The following STEAP4 variants were observed in gnomAD, a reference collection of about 807,000 sequenced individuals.
STEAP4 encodes the protein metalloreductase STEAP4.
A neutral mutation model predicts 43.6 loss-of-function variants in STEAP4; 36 were observed. The ratio of observed to expected loss-of-function variants is 0.83; its 90% CI spans 0.63 to 1.09. The LOEUF (loss-of-function observed/expected upper bound fraction) is 1.09, where lower values mean the gene tolerates loss of function less well. Ranked by LOEUF, STEAP4 falls within the 50% of genes least tolerant of loss-of-function variation. STEAP4 has a pLI of 0.00. For missense variants in STEAP4, 495 were observed against 546.5 expected, an observed-to-expected ratio of 0.91 and a Z score of 0.94; for synonymous variants, 191 against 196.7, an observed-to-expected ratio of 0.97 and a Z score of 0.24.
intron 1 of STEAP4, among the ~76,000 whole-genome samples, chr7:88,295,990 T>A (rs567663816): frequency 2.0e-5 from 3 of 152,088 alleles, no homozygotes; most frequent in Non-Finnish European, 4.4e-5. Flanking sequence ...TGAGTATGTT[T>A]TGAGTGTGCA....
chr7:88,296,189 G>C (rs1434753070), intron 1 of STEAP4, among the ~76,000 whole-genome samples: 1 of 152,106 alleles, frequency 6.6e-6, no homozygotes, highest in Non-Finnish European at 1.5e-5. Context: ...ACATAGTACA[G>C]CATAATGTGA....
chr7:88,297,174 G>A (rs1433575982), intron 1 of STEAP4, among the ~76,000 whole-genome samples: 3 of 152,126 alleles, frequency 2.0e-5, no homozygotes, highest in Non-Finnish European at 4.4e-5. Context: ...TCTATAGGTT[G>A]AGGGTAAAGA....
intron 1 of STEAP4, among the ~76,000 whole-genome samples, chr7:88,303,056 T>A (rs1250566947): frequency 6.7e-6 from 1 of 149,294 alleles, no homozygotes; most frequent in Non-Finnish European, 1.5e-5. Context: ...TTATTTTCTT[T>A]TAGCCTTCTT....
rs1240959385 is a variant in STEAP4 at position 88,275,303 on chromosome 7, G to C, written c.*4095C>G. 1 of 152,086 alleles carries C rather than the reference G, an allele frequency of 6.6e-6. No homozygotes were observed. 9.4% of individuals were successfully genotyped at this position (152,086 alleles called of 1,614,324 possible). On this transcript the variant is annotated 3_prime_UTR_variant, in exon 5 of 5. Transcript: ENST00000380079. ...GATGGGGTTTCACCATGTTGGCCAG[G>C]CTGGTCTCAAACTCCTGACCTCAGG...
At position 88,279,630 on chromosome 7, in the gene STEAP4, T is replaced by G; in HGVS notation, c.1150-2A>C. On this transcript the variant is annotated splice_acceptor_variant, in intron 4 of 4. Coordinates refer to ENST00000380079, the MANE Select transcript of STEAP4 (RefSeq NM_024636.4). LOFTEE classifies it high-confidence loss of function. ...CAGGGTCAAATAACCCAGTTTGGAC[T>G]ATAAACAAGAAACAAAAATATGTAA... The G allele has an allele frequency of 6.2e-7, 1 of 1,605,308 alleles. No individual in the cohort carries two copies. Among genetic ancestry groups the G allele is most frequent in the Non-Finnish European group, 8.5e-7 (1 of 1,175,016 alleles).
chr7:88,300,679 T>C (rs893477189), intron 1 of STEAP4, among the ~76,000 whole-genome samples: 2 of 152,188 alleles, frequency 1.3e-5, no homozygotes, highest in African/African-American at 4.8e-5. Context: ...AGGACTTTTT[T>C]TTTCCTTAGA....
rs772041491 is a variant in STEAP4 at position 88,282,757 on chromosome 7, G to A, written c.868C>T (p.Arg290Ter). 8.7e-6 allele frequency: 14 copies of A among 1,613,954 alleles called. No individual in the cohort carries two copies. The highest frequency in any genetic ancestry group is 6.6e-5 in the South Asian group (6 of 91,078). The change falls in exon 3 of 5, where the codon CGA becomes TGA. Residue 290 changes from arginine to a stop codon, truncating the protein, a stop_gained. Coordinates refer to ENST00000380079, the MANE Select transcript of STEAP4 (RefSeq NM_024636.4). LOFTEE classifies it high-confidence loss of function. ...AGAGCTACCAAGCCAAGCTGCTTTC[G>A]GCAAAGCATCCAGTGGTCAAGCCAG... ...PDWLDHWMLC[R>*]KQLGLVALGF...
At position 88,276,297 on chromosome 7, in the gene STEAP4, C is replaced by T. The variant is rs2115933217; in HGVS notation, c.*3101G>A. Reference sequence around the variant, plus strand: ...ATGCACTTTCAAACCCATGCACTGCCTTCTCTTTTGCTTATCCCTGAAGGG... The same window carrying T: ...ATGCACTTTCAAACCCATGCACTGCTTTCTCTTTTGCTTATCCCTGAAGGG... On this transcript the variant is annotated 3_prime_UTR_variant, in exon 5 of 5. Transcript: ENST00000380079. 6.6e-6 allele frequency: 1 copy of T among 152,354 alleles called. No individual in the cohort carries two copies. The highest frequency in any genetic ancestry group is 2.1e-4 in the South Asian group (1 of 4,834). The allele number at this position is 152,354 out of a possible 1,614,324, so 9.4% of individuals were successfully genotyped here. A position where few individuals can be genotyped will look rare whatever the true frequency, so the allele number is the denominator to read the frequency against.
At position 88,284,239 on chromosome 7, in the gene STEAP4, G is replaced by C. The variant is rs764980659; in HGVS notation, c.31C>G (p.Leu11Val). The change falls in exon 2 of 5, where the codon CTT (leucine) becomes GTT (valine). Residue 11 changes from leucine to valine, a missense_variant. Coordinates refer to ENST00000380079, the MANE Select transcript of STEAP4 (RefSeq NM_024636.4). The part of the protein sequence containing the change: MEKTCIDALP[L>V]TMNSSEKQET... Reference sequence around the variant, plus strand: ...TGCTTTTCTGAAGAATTCATAGTAAGAGGAAGTGCATCTATACAAGTTTTC... The same window carrying C: ...TGCTTTTCTGAAGAATTCATAGTAACAGGAAGTGCATCTATACAAGTTTTC... The C allele has an allele frequency of 1.2e-6, 2 of 1,605,116 alleles. No individual in the cohort carries two copies. Among genetic ancestry groups the C allele is most frequent in the Non-Finnish European group, 1.7e-6 (2 of 1,175,090 alleles).
chr7:88,277,831 G>A lies in STEAP4; in HGVS notation c.*1567C>T, dbSNP rs1457314910. ...GCTGAGATCGTGCCACTGCACTCCA[G>A]CCTGAGCGACAGAGCAAGACTGTCT... On this transcript the variant is annotated 3_prime_UTR_variant, in exon 5 of 5. Coordinates refer to ENST00000380079, the MANE Select transcript of STEAP4 (RefSeq NM_024636.4). 1 of 152,068 alleles carries A rather than the reference G, an allele frequency of 6.6e-6. No homozygotes were observed. Among genetic ancestry groups the A allele is most frequent in the Non-Finnish European group, 1.5e-5 (1 of 68,026 alleles). The allele number at this position is 152,068 out of a possible 1,614,324, so 9.4% of individuals were successfully genotyped here.
chr7:88,281,210 T>A, intron 3 of STEAP4, 131 bp from the exon 4 acceptor site: 1 of 722,432 alleles, frequency 1.4e-6, no homozygotes, highest in Non-Finnish European at 2.0e-6. Context: ...AAAATTATTT[T>A]AAAATAACTT....
In STEAP4 at chr7:88,284,022, C is replaced by T. The variant is rs1852678680; in HGVS notation, c.248G>A (p.Arg83Lys). The T allele has an allele frequency of 6.2e-7, 1 of 1,614,122 alleles. No individual in the cohort carries two copies. The highest frequency in any genetic ancestry group is 8.5e-7 in the Non-Finnish European group (1 of 1,180,028). ...KSGIIIIAIHREHYDFLTELT... is the reference protein window; with the variant it reads ...KSGIIIIAIHKEHYDFLTELT... ...TTCTGTGAGAAAATCATAATGCTCT[C>T]TGTGGATTGCTATGATTATGATGCC... Residue 83 changes from arginine (R) to lysine (K), a missense_variant, in exon 2 of 5, where the codon AGA (arginine) becomes AAA (lysine). Coordinates refer to ENST00000380079, the MANE Select transcript of STEAP4 (RefSeq NM_024636.4).
At position 88,279,442 on chromosome 7, in the gene STEAP4, G is replaced by T; in HGVS notation, c.1336C>A (p.Leu446Ile). The T allele has an allele frequency of 6.2e-7, 1 of 1,614,046 alleles. No homozygotes were observed. The highest frequency in any genetic ancestry group is 2.2e-5 in the East Asian group (1 of 44,870). ...VLIMPCVDNT[L>I]TRIRQGWERN... ...TCCCAGCCCTGGCGGATCCTTGTAA[G>T]GGTGTTGTCTACACATGGCATGATT... The change falls in exon 5 of 5, where the codon CTT becomes ATT. Residue 446 changes from leucine (L) to isoleucine (I), a missense_variant. Coordinates refer to ENST00000380079, the MANE Select transcript of STEAP4 (RefSeq NM_024636.4).
chr7:88,281,146 C>CT, intron 3 of STEAP4, 67 bp from the exon 4 acceptor site: 3 of 1,282,088 alleles, frequency 2.3e-6, no homozygotes, highest in Non-Finnish European at 3.1e-6. Context: ...ACTGCCCACA[C>CT]TTTGACAGTG....
intron 1 of STEAP4, among the ~76,000 whole-genome samples, chr7:88,305,865 G>A (rs1219515845): frequency 2.6e-5 from 4 of 152,104 alleles, no homozygotes; most frequent in Admixed American, 2.6e-4. Flanking sequence ...GAGATAATGA[G>A]GTTCTAGTTA....
rs1010577200 is a variant in STEAP4, at chr7:88,289,921, A to G, written c.-2-5650T>C. Among the ~76,000 whole-genome samples the G allele has an allele frequency of 2.6e-5, 4 of 152,216 alleles. No individual in the cohort carries two copies. The South Asian group carries it at 6.2e-4, about 24-fold the overall frequency. On this transcript the variant is annotated intron_variant, in intron 1 of 4. Coordinates refer to ENST00000380079, the MANE Select transcript of STEAP4 (RefSeq NM_024636.4). ...AGTTAACACCTAGTTTTATAAATCA[A>G]ACCTTCAAACTGCTGAACAATGCCT...
At chr7:88,294,876 ATTTCT>A (rs1305709704) in intron 1 of STEAP4, among the ~76,000 whole-genome samples, 1 of 152,104 alleles carries the variant, frequency 6.6e-6, no homozygotes, top group African/African-American at 2.4e-5. Context: ...AATCCCTCTG[ATTTCT>A]TTTATTTTTA....
chr7:88,292,974 G>A, intron 1 of STEAP4: 1 of 152,178 alleles, frequency 6.6e-6, no homozygotes, highest in Non-Finnish European at 1.5e-5. Flanking sequence ...AAGCTTCTAT[G>A]AGTATTCACC....
chr7:88,282,579 A>T (rs767294534), intron 3 of STEAP4, 62 bp downstream of exon 3: 1 of 1,415,158 alleles, frequency 7.1e-7, no homozygotes, highest in Admixed American at 2.0e-5. Flanking sequence ...ATGAAATGGA[A>T]TATGATGTAG....
Sources: allele counts gnomAD v4.1 joint callset (sites outside exome capture counted in the v4.1 genomes callset), GRCh38; gene constraint gnomAD v4.1.1; transcripts MANE v1.5; gene names NCBI Gene and HGNC (gene_info 2026-07-23, HGNC 2026-07-21).